The following ENTPD1 variants were observed in gnomAD, a reference collection of about 807,000 sequenced individuals.
ENTPD1 encodes the protein ATP diphosphohydrolase.
A neutral mutation model predicts 57.0 loss-of-function variants in ENTPD1; 33 were observed. The observed-to-expected ratio is 0.58, with a 90% confidence interval of 0.44 to 0.77. The LOEUF is 0.77. Ranked by LOEUF, ENTPD1 falls within the 30% of genes least tolerant of loss-of-function variation. The pLI is 0.00. For missense variants in ENTPD1, 501 were observed against 603.4 expected (o/e 0.83, Z 1.78); for synonymous variants, 202 against 218.8 (o/e 0.92, Z 0.68).
chr10:95,841,078 C>G (rs761523175), intron 3 of ENTPD1, among the ~76,000 whole-genome samples: 9 of 152,134 alleles, frequency 5.9e-5, no homozygotes, highest in Non-Finnish European at 8.8e-5. Flanking sequence ...TGACACACTG[C>G]CTTCCATTTT....
intron 7 of ENTPD1, among the ~76,000 whole-genome samples, chr10:95,849,482 A>G (rs1253452706): frequency 6.6e-6 from 1 of 152,188 alleles, no homozygotes; most frequent in Non-Finnish European, 1.5e-5. Flanking sequence ...AGTTTCTCCT[A>G]AGGTCACCTG....
chr10:95,871,796 A>G lies in ENTPD1; in HGVS notation c.*5413A>G. The G allele has an allele frequency of 1.0e-6, 1 of 985,476 alleles. No individual in the cohort carries two copies. The highest frequency in any genetic ancestry group is 1.2e-6 in the Non-Finnish European group (1 of 829,942). 61.0% of individuals were successfully genotyped at this position (985,476 alleles called of 1,614,324 possible). ...TATAACCCCTTTGCATGTATGTTGA[A>G]TAGCAAAGTTCATCAGAGAACATGT... On this transcript the variant is annotated 3_prime_UTR_variant, in exon 10 of 10. Coordinates refer to ENST00000371205, the MANE Select transcript of ENTPD1 (RefSeq NM_001776.6).
intron 1 of ENTPD1, among the ~76,000 whole-genome samples, chr10:95,728,487 T>A (rs1417205466): frequency 6.6e-6 from 1 of 152,162 alleles, no homozygotes; most frequent in Non-Finnish European, 1.5e-5. Context: ...ATCAAGCAAT[T>A]CATCTTTTTC....
At chr10:95,852,505 C>T (rs183573226) in intron 7 of ENTPD1, among the ~76,000 whole-genome samples, 129 of 152,278 alleles carry the variant, frequency 8.5e-4, no homozygotes, top group African/African-American at 3.0e-3. Context: ...AGTCTTTGCC[C>T]ATGCCCATGT....
intron 1 of ENTPD1, among the ~76,000 whole-genome samples, chr10:95,802,745 A>G (rs964131213): frequency 6.6e-6 from 1 of 152,126 alleles, no homozygotes; most frequent in African/African-American, 2.4e-5. Flanking sequence ...GCTGAGGATG[A>G]TGGTTTCCAT....
upstream of ENTPD1, chr10:95,755,883 G>C (rs1283843382): frequency 9.9e-6 from 15 of 1,520,070 alleles, no homozygotes; most frequent in Non-Finnish European, 1.3e-5. Context: ...AAGAGAGGGA[G>C]AGAGAGATGA....
intron 2 of ENTPD1, among the ~76,000 whole-genome samples, chr10:95,836,840 G>A (rs138722631): frequency 1.3e-3 from 202 of 152,320 alleles, no homozygotes; most frequent in Admixed American, 2.7e-3. Context: ...GGGCTCTGAT[G>A]GATGTTGTAA....
rs193045559 is a variant in ENTPD1 at position 95,872,377 on chromosome 10, A to G, written c.*5994A>G. The stretch of plus-strand genomic sequence containing the variant: ...ACTCCACTCCTCTGATGTTTCCTAC[A>G]CTACACTACACTATACTACACTACA... On this transcript the variant is annotated 3_prime_UTR_variant, in exon 10 of 10. Coordinates refer to ENST00000371205, the MANE Select transcript of ENTPD1 (RefSeq NM_001776.6). 20 of 985,294 alleles carry G rather than the reference A, an allele frequency of 2.0e-5. No individual in the cohort carries two copies. Among genetic ancestry groups the G allele is most frequent in the Non-Finnish European group, 2.3e-5 (19 of 829,888 alleles). The allele number at this position is 985,294 out of a possible 1,614,324, so 61.0% of individuals were successfully genotyped here. A position where few individuals can be genotyped will look rare whatever the true frequency, so the allele number is the denominator to read the frequency against.
rs150615255 is a variant in ENTPD1 at position 95,866,287 on chromosome 10, C to T, written c.1437C>T (p.Phe479=). The change falls in exon 10 of 10, where the codon TTC becomes TTT. Residue 479 remains phenylalanine, a synonymous_variant. Transcript: ENST00000371205. ...STPLSHSTYV[F]LMVLFSLVLF... is the part of the protein sequence containing the mutation. ...CTCTCTCCCACTCCACCTATGTCTT[C>T]CTCATGGTTCTATTCTCCCTGGTCC... is the stretch of plus-strand genomic sequence containing the variant. 2.0e-4 allele frequency: 320 copies of T among 1,614,186 alleles called. 1 individual carries two copies. In the African/African-American group the frequency reaches 3.7e-3, roughly 19 times the overall value.
At chr10:95,865,530 T>C (rs1263755938) in intron 9 of ENTPD1, among the ~76,000 whole-genome samples, 1 of 152,210 alleles carries the variant, frequency 6.6e-6, no homozygotes, top group African/African-American at 2.4e-5. Context: ...TTACCCCCTG[T>C]ATTAAATATG....
chr10:95,809,664 C>T (rs1369015773), intron 1 of ENTPD1, among the ~76,000 whole-genome samples: 1 of 149,338 alleles, frequency 6.7e-6, no homozygotes, highest in East Asian at 2.0e-4. Context: ...GTGCTCCCCA[C>T]CTCCCAGACG....
chr10:95,799,480 C>CT (rs1485605821), intron 1 of ENTPD1, among the ~76,000 whole-genome samples: 4 of 152,106 alleles, frequency 2.6e-5, no homozygotes, highest in Non-Finnish European at 2.9e-5. Flanking sequence ...TGATCTCATT[C>CT]TTTTTTATGG....
chr10:95,873,624 T>A lies in ENTPD1; in HGVS notation c.*7241T>A, dbSNP rs928839669. ...ATTACTCCTGTCTATGGATGTTTCC[T>A]TCTGTCACTCTACTAGGGATGAAAC... is the stretch of plus-strand genomic sequence containing the variant. On this transcript the variant is annotated 3_prime_UTR_variant, in exon 10 of 10. Transcript: ENST00000371205. 3 of 985,364 alleles carry A rather than the reference T, an allele frequency of 3.0e-6. No homozygotes were observed. Among genetic ancestry groups the A allele is most frequent in the Non-Finnish European group, 3.6e-6 (3 of 829,950 alleles). 61.0% of individuals were successfully genotyped at this position (985,364 alleles called of 1,614,324 possible).
At position 95,875,883 on chromosome 10, in the gene ENTPD1, A is replaced by G. The variant is rs1352553781; in HGVS notation, c.*9500A>G. The stretch of plus-strand genomic sequence containing the variant: ...GGGAAAGACCAGCCCCCTTGATTCA[A>G]TTACCTCCCCCTGGGTCCTGTGGGA... On this transcript the variant is annotated 3_prime_UTR_variant, in exon 10 of 10. Coordinates refer to ENST00000371205, the MANE Select transcript of ENTPD1 (RefSeq NM_001776.6). The G allele has an allele frequency of 7.1e-6, 5 of 707,968 alleles. No individual in the cohort carries two copies. The highest frequency in any genetic ancestry group is 1.9e-5 in the African/African-American group (1 of 51,952). The allele number at this position is 707,968 out of a possible 1,614,324, so 43.9% of individuals were successfully genotyped here. A position where few individuals can be genotyped will look rare whatever the true frequency, so the allele number is the denominator to read the frequency against.
intron 7 of ENTPD1, among the ~76,000 whole-genome samples, chr10:95,858,542 A>T (rs1472947450): frequency 6.6e-6 from 1 of 152,086 alleles, no homozygotes; most frequent in Non-Finnish European, 1.5e-5. Flanking sequence ...TAATGTGGAG[A>T]CTAATTAAGA....
chr10:95,835,326 T>C (rs2098407245), intron 2 of ENTPD1, among the ~76,000 whole-genome samples: 1 of 152,244 alleles, frequency 6.6e-6, no homozygotes, highest in South Asian at 2.1e-4. Context: ...ACATTTTCTT[T>C]ATACAATTCA....
the ENTPD1 span, among the ~76,000 whole-genome samples, chr10:95,697,352 A>G: frequency 6.6e-6 from 1 of 152,216 alleles, no homozygotes; most frequent in African/African-American, 2.4e-5. Flanking sequence ...AAGGCAGGAC[A>G]GTGCCCTGGA....
chr10:95,698,627 A>C, the ENTPD1 span, among the ~76,000 whole-genome samples: 1 of 152,366 alleles, frequency 6.6e-6, no homozygotes, highest in South Asian at 2.1e-4. Context: ...GTTTCAGAGG[A>C]CAGGTCAGGG....
intron 1 of ENTPD1, among the ~76,000 whole-genome samples, chr10:95,802,915 G>A (rs1333015224): frequency 6.6e-6 from 1 of 152,050 alleles, no homozygotes; most frequent in African/African-American, 2.4e-5. Context: ...ATAAACATAC[G>A]TATGCATACG....
Sources: allele counts gnomAD v4.1 joint callset (sites outside exome capture counted in the v4.1 genomes callset), GRCh38; gene constraint gnomAD v4.1.1; transcripts MANE v1.5; gene names NCBI Gene and HGNC (gene_info 2026-07-23, HGNC 2026-07-21).